Variants in DMD observed in about 807,000 individuals in gnomAD.
DMD encodes the protein mutant dystrophin.
A neutral mutation model predicts 330.1 loss-of-function variants in DMD; 63 were observed. The observed-to-expected ratio is 0.19, with a 90% CI of 0.16 to 0.24. DMD has a LOEUF of 0.24. Ranked by LOEUF, DMD falls within the 10% of genes least tolerant of loss-of-function variation. The pLI is 1.00. For missense variants in DMD, 3,344 were observed against 2,684.1 expected, an observed-to-expected ratio of 1.25 and a Z score of -5.43; for synonymous variants, 1,223 against 959.8, an observed-to-expected ratio of 1.27 and a Z score of -5.07.
chrX:32,472,225 G>C lies in DMD; in HGVS notation c.2888C>G (p.Ser963Cys), dbSNP rs1429983365. 6 of 1,210,912 alleles carry C rather than the reference G, an allele frequency of 5.0e-6. No individual in the cohort carries two copies. The highest frequency in any genetic ancestry group is 6.7e-6 in the Non-Finnish European group (6 of 894,892). ...GTCGGTGACACTAAGTTGAGGTATG[G>C]AGAGTTTGGTTTCTGACTGCTGGAC... Reference protein sequence around the residue: ...TWVQQSETKLSIPQLSVTDYE... With the variant: ...TWVQQSETKLCIPQLSVTDYE... The change falls in exon 22 of 79, where the codon TCC becomes TGC. Residue 963 changes from serine to cysteine, a missense_variant. Coordinates refer to ENST00000357033, the MANE Select transcript of DMD (RefSeq NM_004006.3).
chrX:33,008,720 T>C (rs185011971), intron 2 of DMD, among the ~76,000 whole-genome samples: 2 of 97,851 alleles, frequency 2.0e-5, no homozygotes, highest in African/African-American at 7.5e-5. Flanking sequence ...ACAAAATAAC[T>C]AGGATTGTTA....
intron 54 of DMD, among the ~76,000 whole-genome samples, chrX:31,634,505 C>G (rs1011851906): frequency 9.0e-6 from 1 of 111,524 alleles, no homozygotes; most frequent in Non-Finnish European, 1.9e-5. Flanking sequence ...TAAACCACAG[C>G]TTTGAAGCTA....
At chrX:31,801,859 A>G in intron 50 of DMD, among the ~76,000 whole-genome samples, 1 of 111,414 alleles carries the variant, frequency 9.0e-6, no homozygotes, top group South Asian at 3.8e-4. Flanking sequence ...CTGGAAGAGG[A>G]GTATAAATAG....
At chrX:32,792,002 G>C (rs748860557) in intron 7 of DMD, among the ~76,000 whole-genome samples, 8 of 111,703 alleles carry the variant, frequency 7.2e-5, no homozygotes, top group Non-Finnish European at 1.5e-4. Context: ...AAAGCACCTT[G>C]TCACTTATAA....
At position 31,510,067 on chromosome X, in the gene DMD, T is replaced by C. The variant is rs975859729; in HGVS notation, c.8218-2614A>G. The stretch of plus-strand genomic sequence containing the variant: ...GTACTGCTTTTCTAGGTCATGATGG[T>C]GATACAGAGCTGTAAATGACACGTG... On this transcript the variant is annotated intron_variant, in intron 55 of 78. Coordinates refer to ENST00000357033, the MANE Select transcript of DMD (RefSeq NM_004006.3). Among the ~76,000 whole-genome samples the C allele has an allele frequency of 4.5e-5, 5 of 112,042 alleles. No individual in the cohort carries two copies. In the Admixed American group the frequency reaches 4.7e-4, roughly 11 times the overall value.
rs228333 is a variant in DMD at position 32,518,335 on chromosome X, A to G, written c.2169-204T>C. Among the ~76,000 whole-genome samples the G allele has an allele frequency of 0.29, 31,307 of 109,832 alleles. 3,864 individuals are homozygous for G. The highest frequency in any genetic ancestry group is 0.47 in the African/African-American group (14,041 of 30,087). Reference sequence around the variant, plus strand: ...CTTTGATCTAGAGTCTTATGATCACAGAGGTCATTTTATTCACCTCAATGT... The same window carrying G: ...CTTTGATCTAGAGTCTTATGATCACGGAGGTCATTTTATTCACCTCAATGT... On this transcript the variant is annotated intron_variant, in intron 17 of 78. Coordinates refer to ENST00000357033, the MANE Select transcript of DMD (RefSeq NM_004006.3).
chrX:31,531,817 C>T (rs888386416), intron 55 of DMD, among the ~76,000 whole-genome samples: 4 of 103,138 alleles, frequency 3.9e-5, no homozygotes, highest in African/African-American at 1.4e-4. Flanking sequence ...AAAACCAAGG[C>T]TCGAGAACTA....
intron 1 of DMD, among the ~76,000 whole-genome samples, chrX:33,306,310 CTT>C (rs1436035321): frequency 1.8e-5 from 2 of 111,658 alleles, no homozygotes; most frequent in African/African-American, 3.3e-5. Context: ...AATGCATTTA[CTT>C]ATTGAAGTCT....
intron 6 of DMD, 50 bp from the exon 7 acceptor site, chrX:32,809,661 C>T: frequency 1.9e-6 from 2 of 1,046,192 alleles, no homozygotes; most frequent in South Asian, 1.9e-5. Context: ...ATAAATCAAT[C>T]TAGAATGTTC....
At chrX:31,370,098 C>CAAAA (rs59989996) in intron 60 of DMD, among the ~76,000 whole-genome samples, 1 of 59,343 alleles carries the variant, frequency 1.7e-5, no homozygotes, top group Non-Finnish European at 2.8e-5. Context: ...GGCTCCGTCT[C>CAAAA]AAAAAAAAAA....
At chrX:32,141,532 A>C (rs1264530383) in intron 44 of DMD, among the ~76,000 whole-genome samples, 3 of 111,916 alleles carry the variant, frequency 2.7e-5, no homozygotes. Context: ...ACTCAATGGC[A>C]ATTAGTATGC....
rs770870565 is a variant in DMD, at chrX:32,546,077, C to A, written c.1993-743G>T. ...TCCTGTTCATACTTTTGGCAGCGGGCCGGGGGCAACAGTTCATCCATCTTT... is the reference window on the plus strand; with the variant it reads ...TCCTGTTCATACTTTTGGCAGCGGGACGGGGGCAACAGTTCATCCATCTTT... On this transcript the variant is annotated intron_variant, in intron 16 of 78. Coordinates refer to ENST00000357033, the MANE Select transcript of DMD (RefSeq NM_004006.3). 5.7e-5 allele frequency among the ~76,000 whole-genome samples: 6 copies of A among 105,443 alleles called. No individual in the cohort carries two copies. In the Admixed American group the frequency reaches 6.4e-4, roughly 11 times the overall value. 91.6% of individuals were successfully genotyped at this position (105,443 alleles called of 115,157 possible). A position where few individuals can be genotyped will look rare whatever the true frequency, so the allele number is the denominator to read the frequency against.
At chrX:32,037,456 G>A (rs1212551157) in intron 44 of DMD, among the ~76,000 whole-genome samples, 1 of 112,066 alleles carries the variant, frequency 8.9e-6, no homozygotes, top group African/African-American at 3.2e-5. Context: ...ATTACAAATT[G>A]AGGAATAATT....
chrX:31,814,355 C>T (rs925539733), intron 50 of DMD, among the ~76,000 whole-genome samples: 7 of 106,470 alleles, frequency 6.6e-5, no homozygotes, highest in Admixed American at 1.0e-4. Context: ...TGGTGGCGGG[C>T]GCCTGTAGTC....
chrX:31,238,938 C>CCT (rs1239254473), intron 63 of DMD, among the ~76,000 whole-genome samples: 6 of 111,852 alleles, frequency 5.4e-5, no homozygotes, highest in Non-Finnish European at 9.4e-5. Flanking sequence ...AGTTCCCAGT[C>CCT]CTCCTTATCT....
intron 1 of DMD, among the ~76,000 whole-genome samples, chrX:33,030,380 C>G: frequency 8.9e-6 from 1 of 111,757 alleles, no homozygotes. Flanking sequence ...ATTATACCTC[C>G]TCATGCTCAA....
chrX:32,210,726 T>C (rs1197672531), intron 44 of DMD, among the ~76,000 whole-genome samples: 1 of 111,884 alleles, frequency 8.9e-6, no homozygotes, highest in Admixed American at 9.6e-5. Flanking sequence ...ATACTGTCAG[T>C]GACCTATGCA....
At chrX:32,739,635 G>A (rs10522011) in intron 7 of DMD, among the ~76,000 whole-genome samples, 12,798 of 111,555 alleles carry the variant, frequency 0.11, 745 homozygotes, top group African/African-American at 0.21. Flanking sequence ...TGGAGATTGA[G>A]ATAAATTTGG....
intron 17 of DMD, among the ~76,000 whole-genome samples, chrX:32,539,268 A>G (rs913827067): frequency 9.1e-6 from 1 of 109,463 alleles, no homozygotes; most frequent in African/African-American, 3.3e-5. Flanking sequence ...GTAACATGAC[A>G]TTGCAACTAT....
Sources: allele counts gnomAD v4.1 joint callset (sites outside exome capture counted in the v4.1 genomes callset), GRCh38; gene constraint gnomAD v4.1.1; transcripts MANE v1.5; gene names NCBI Gene and HGNC (gene_info 2026-07-23, HGNC 2026-07-21).